Variants in DENND5A observed in about 807,000 individuals in gnomAD.
DENND5A encodes DENN domain-containing protein 5A.
A neutral mutation model predicts 140.3 loss-of-function variants in DENND5A; 64 were observed. The ratio of observed to expected loss-of-function variants is 0.46; its 90% CI spans 0.37 to 0.56. The LOEUF (loss-of-function observed/expected upper bound fraction) is 0.56, where lower values mean the gene tolerates loss of function less well. Among genes scored for constraint, DENND5A ranks in the 20% least tolerant of loss-of-function variants. The probability of loss-of-function intolerance (pLI) is 0.00; values close to 1 mark genes in which losing one functional copy is unlikely to be tolerated. For synonymous variants in DENND5A, 605 were observed against 607.7 expected, an observed-to-expected ratio of 1.00 and a Z score of 0.07; for missense variants, 1,292 against 1,593.8, an observed-to-expected ratio of 0.81 and a Z score of 3.22.
chr11:9,183,821 T>C (rs1378500420), intron 5 of DENND5A, among the ~76,000 whole-genome samples: 1 of 148,194 alleles, frequency 6.7e-6, no homozygotes, highest in East Asian at 1.9e-4. Context: ...CCATACTTCA[T>C]TCATTTTCAC....
At chr11:9,188,318 G>T (rs902253032) in intron 5 of DENND5A, among the ~76,000 whole-genome samples, 1 of 152,302 alleles carries the variant, frequency 6.6e-6, no homozygotes, top group African/African-American at 2.4e-5. Context: ...GAACTGTTAA[G>T]TCCATTAAAC....
At chr11:9,259,117 G>A (rs976893850) in intron 1 of DENND5A, among the ~76,000 whole-genome samples, 21 of 152,002 alleles carry the variant, frequency 1.4e-4, no homozygotes, top group Admixed American at 5.2e-4. Flanking sequence ...AAAATTAGCC[G>A]GGCATGGTGG....
At chr11:9,156,504 G>A (rs868850787) in intron 12 of DENND5A, among the ~76,000 whole-genome samples, 7 of 152,166 alleles carry the variant, frequency 4.6e-5, no homozygotes, top group Middle Eastern at 3.4e-3. Context: ...GCCTGAGCCT[G>A]TAATCCCAGC....
At chr11:9,198,557 G>A (rs576108588) in intron 4 of DENND5A, among the ~76,000 whole-genome samples, 96 of 151,826 alleles carry the variant, frequency 6.3e-4, no homozygotes, top group African/African-American at 2.2e-3. Context: ...GTTGCAGTGA[G>A]CCGAGATTGC....
At chr11:9,140,688 A>G (rs550909251) in intron 22 of DENND5A, among the ~76,000 whole-genome samples, 4 of 152,260 alleles carry the variant, frequency 2.6e-5, no homozygotes, top group Non-Finnish European at 5.9e-5. Context: ...TCCTTCCATT[A>G]AAGGCTCACT....
chr11:9,262,886 C>G lies in DENND5A; in HGVS notation c.109+2075G>C, dbSNP rs560457797. On this transcript the variant is annotated intron_variant, in intron 1 of 22. Coordinates refer to ENST00000328194, the MANE Select transcript of DENND5A (RefSeq NM_015213.4). The stretch of plus-strand genomic sequence containing the variant: ...CCTCCTGAGTAGCTGGGACTACAGG[C>G]GCCCGCCACCACGCCCGGCTAATTT... Among the ~76,000 whole-genome samples, 3 of 152,134 alleles carry G rather than the reference C, an allele frequency of 2.0e-5. No homozygotes were observed. In the South Asian group the frequency reaches 6.2e-4, roughly 32 times the overall value.
rs200257189 is a variant in DENND5A at position 9,264,931 on chromosome 11, G to A, written c.109+30C>T. On this transcript the variant is annotated intron_variant, in intron 1 of 22. Coordinates refer to ENST00000328194, the MANE Select transcript of DENND5A (RefSeq NM_015213.4). ...GGGTCCCCGACGACAGCGGGCGCGG[G>A]AAAGCGCCCCGGGCTCGGCGCGCAC... 895 of 1,513,714 alleles carry A rather than the reference G, an allele frequency of 5.9e-4. 3 individuals carry two copies. In the Middle Eastern group the frequency reaches 8.9e-3, roughly 15 times the overall value. The allele number at this position is 1,513,714 out of a possible 1,614,324, so 93.8% of individuals were successfully genotyped here. A position where few individuals can be genotyped will look rare whatever the true frequency, so the allele number is the denominator to read the frequency against.
Position 9,152,592 on chromosome 11 carries a change from A to G in DENND5A, c.2437-150T>C, listed in dbSNP as rs376100379. On this transcript the variant is annotated intron_variant, in intron 12 of 22. Coordinates refer to ENST00000328194, the MANE Select transcript of DENND5A (RefSeq NM_015213.4). Reference sequence around the variant, plus strand: ...GGACACAGTGTATGCAAATATATCAATTTACTAAAATCCAGAAGAAATATA... The same window carrying G: ...GGACACAGTGTATGCAAATATATCAGTTTACTAAAATCCAGAAGAAATATA... 62 of 619,122 alleles carry G rather than the reference A, an allele frequency of 1.0e-4. 1 individual carries two copies. Among genetic ancestry groups the G allele is most frequent in the East Asian group, 3.5e-4 (13 of 37,136 alleles). The allele number at this position is 619,122 out of a possible 1,614,324, so 38.4% of individuals were successfully genotyped here.
intron 4 of DENND5A, among the ~76,000 whole-genome samples, chr11:9,194,029 A>T (rs924071270): frequency 3.3e-5 from 5 of 152,246 alleles, no homozygotes; most frequent in Admixed American, 6.5e-5. Flanking sequence ...CTGAACAAAA[A>T]GAAAGACAGT....
chr11:9,150,678 A>T lies in DENND5A; in HGVS notation c.2606+2T>A. ...GCTTATTACATGTGAGCCCATACTG[A>T]CCTCATATCCTGAATCAGGGAGATC... On this transcript the variant is annotated splice_donor_variant, in intron 14 of 22. Coordinates refer to ENST00000328194, the MANE Select transcript of DENND5A (RefSeq NM_015213.4). LOFTEE classifies it high-confidence loss of function. 1.2e-6 allele frequency: 2 copies of T among 1,607,216 alleles called. No individual in the cohort carries two copies. The highest frequency in any genetic ancestry group is 1.7e-6 in the Non-Finnish European group (2 of 1,174,270).
At chr11:9,171,142 A>C in intron 8 of DENND5A, 1 of 219,244 alleles carries the variant, frequency 4.6e-6, no homozygotes, top group Non-Finnish European at 9.2e-6. Flanking sequence ...AGGTGGCTAG[A>C]GTTCATATGA....
intron 1 of DENND5A, among the ~76,000 whole-genome samples, chr11:9,212,153 G>A (rs996213373): frequency 2.0e-5 from 3 of 152,080 alleles, no homozygotes; most frequent in Non-Finnish European, 4.4e-5. Flanking sequence ...GGGAGGCCAA[G>A]GTTGAGAGGA....
intron 15 of DENND5A, among the ~76,000 whole-genome samples, chr11:9,148,589 T>G (rs551649449): frequency 6.6e-6 from 1 of 152,318 alleles, no homozygotes; most frequent in Admixed American, 6.5e-5. Context: ...GAAACCTGTA[T>G]GTGGGAGATA....
At chr11:9,209,953 A>G (rs1273550015) in intron 1 of DENND5A, among the ~76,000 whole-genome samples, 1 of 152,144 alleles carries the variant, frequency 6.6e-6, no homozygotes, top group Non-Finnish European at 1.5e-5. Context: ...TAAAAAATAC[A>G]AAAATTAGCC....
At chr11:9,236,386 A>G (rs7933448) in intron 1 of DENND5A, among the ~76,000 whole-genome samples, 94,344 of 151,330 alleles carry the variant, frequency 0.62, 30,006 homozygotes, top group African/African-American at 0.73. Context: ...GCAACAATTA[A>G]CTGGGCATGG....
intron 4 of DENND5A, among the ~76,000 whole-genome samples, chr11:9,197,179 C>T (rs977615047): frequency 6.6e-6 from 1 of 151,246 alleles, no homozygotes; most frequent in African/African-American, 2.4e-5. Flanking sequence ...GTGGCACGTG[C>T]CTGTAATCCC....
At chr11:9,169,173 G>A (rs903189282) in intron 10 of DENND5A, among the ~76,000 whole-genome samples, 1 of 152,190 alleles carries the variant, frequency 6.6e-6, no homozygotes, top group African/African-American at 2.4e-5. Flanking sequence ...TGGGCTGGGC[G>A]CAGTAGCTCA....
intron 10 of DENND5A, among the ~76,000 whole-genome samples, chr11:9,166,346 A>C (rs1362965687): frequency 6.6e-6 from 1 of 151,914 alleles, no homozygotes; most frequent in Non-Finnish European, 1.5e-5. Flanking sequence ...CAAAGTACTG[A>C]GATTACAGGC....
intron 16 of DENND5A, 200 bp downstream of exon 16, chr11:9,146,830 T>A: frequency 7.1e-6 from 4 of 562,614 alleles, no homozygotes; most frequent in Non-Finnish European, 1.2e-5. Flanking sequence ...AGCTCTCCAG[T>A]TCAGAACAAG....
Sources: allele counts gnomAD v4.1 joint callset (sites outside exome capture counted in the v4.1 genomes callset), GRCh38; gene constraint gnomAD v4.1.1; transcripts MANE v1.5; gene names NCBI Gene and HGNC (gene_info 2026-07-23, HGNC 2026-07-21).